EYS: variants seen among roughly 807,000 people sequenced by gnomAD.
EYS encodes protein eyes shut homolog.
A neutral mutation model predicts 282.1 loss-of-function variants in EYS; 250 were observed. That is an observed-to-expected ratio of 0.89 (90% CI 0.80 to 0.98). The LOEUF (loss-of-function observed/expected upper bound fraction) is 0.98, where lower values mean the gene tolerates loss of function less well. EYS is among the 50% of genes least tolerant of loss of function. EYS has a pLI of 0.00. For synonymous variants in EYS, 1,355 were observed against 1,282.9 expected (o/e 1.06, Z -1.20); for missense variants, 4,016 against 3,709.0 (o/e 1.08, Z -2.15).
chr6:64,391,501 C>T (rs897855967), intron 28 of EYS, among the ~76,000 whole-genome samples: 19 of 151,848 alleles, frequency 1.3e-4, no homozygotes, highest in African/African-American at 4.3e-4. Context: ...ATTTTCAACC[C>T]AGAATTTCAT....
At chr6:65,150,061 G>C (rs138897808) in intron 12 of EYS, among the ~76,000 whole-genome samples, 2 of 151,896 alleles carry the variant, frequency 1.3e-5, no homozygotes, top group Admixed American at 6.6e-5. Flanking sequence ...TGGGGGAACC[G>C]CCACCATGAT....
chr6:65,250,102 G>A (rs1195123615), intron 12 of EYS, among the ~76,000 whole-genome samples: 2 of 151,954 alleles, frequency 1.3e-5, no homozygotes, highest in African/African-American at 4.8e-5. Flanking sequence ...GGAATATGTG[G>A]AAAATATTGA....
At chr6:64,720,860 T>G (rs1451519633) in intron 22 of EYS, among the ~76,000 whole-genome samples, 1 of 152,244 alleles carries the variant, frequency 6.6e-6, no homozygotes, top group Non-Finnish European at 1.5e-5. Context: ...ATGGTGCCTC[T>G]TTTGGTGTTT....
chr6:64,012,111 A>T (rs1768667584), intron 33 of EYS, among the ~76,000 whole-genome samples: 1 of 151,542 alleles, frequency 6.6e-6, no homozygotes, highest in Non-Finnish European at 1.5e-5. Flanking sequence ...TGAATGCAAA[A>T]ATGTCTATCT....
chr6:65,654,929 T>G (rs1484509082), intron 1 of EYS, among the ~76,000 whole-genome samples: 1 of 147,138 alleles, frequency 6.8e-6, no homozygotes, highest in Non-Finnish European at 1.5e-5. Flanking sequence ...TATGGAAATA[T>G]GTCCAAATTA....
At chr6:65,668,919 A>C (rs1030593098) in intron 1 of EYS, among the ~76,000 whole-genome samples, 1 of 151,944 alleles carries the variant, frequency 6.6e-6, no homozygotes, top group Admixed American at 6.6e-5. Context: ...AATTACTGCC[A>C]CTGCTAACTA....
intron 12 of EYS, among the ~76,000 whole-genome samples, chr6:65,131,292 A>G (rs1775868398): frequency 1.3e-5 from 2 of 151,928 alleles, no homozygotes; most frequent in African/African-American, 4.8e-5. Context: ...TTATTGCCAC[A>G]TGGCACATAC....
chr6:65,505,558 C>CT (rs2127281414), intron 2 of EYS, among the ~76,000 whole-genome samples: 1 of 152,052 alleles, frequency 6.6e-6, no homozygotes, highest in East Asian at 1.9e-4. Flanking sequence ...CTGTGCACTG[C>CT]TTTTTCTGGA....
intron 35 of EYS, among the ~76,000 whole-genome samples, chr6:63,892,277 T>C (rs1469854993): frequency 6.6e-6 from 1 of 152,090 alleles, no homozygotes; most frequent in Non-Finnish European, 1.5e-5. Flanking sequence ...GACAAGACAA[T>C]CCTAAGCCAA....
chr6:65,175,750 A>G (rs1448689327), intron 12 of EYS, among the ~76,000 whole-genome samples: 2 of 151,488 alleles, frequency 1.3e-5, no homozygotes, highest in Non-Finnish European at 3.0e-5. Context: ...AATGACACTG[A>G]GTCAAAAGTT....
intron 35 of EYS, among the ~76,000 whole-genome samples, chr6:63,916,995 G>T (rs141077284): frequency 6.6e-6 from 1 of 152,336 alleles, no homozygotes; most frequent in African/African-American, 2.4e-5. Context: ...AAGCTGACAG[G>T]TCAGGAAGTG....
rs1012716078 is a variant in EYS at position 64,821,564 on chromosome 6, C to G, written c.3243+81G>C. On this transcript the variant is annotated intron_variant, in intron 21 of 42. Coordinates refer to ENST00000503581, the MANE Select transcript of EYS (RefSeq NM_001142800.2). The stretch of plus-strand genomic sequence containing the variant: ...ATCAACAACTGTGGAAGAAATGACT[C>G]TGAAACCTACAGCAAGCAATTTGAT... The G allele has an allele frequency of 8.4e-6, 6 of 710,908 alleles. No individual in the cohort carries two copies. In the Admixed American group the frequency reaches 1.1e-4, roughly 13 times the overall value. 44.0% of individuals were successfully genotyped at this position (710,908 alleles called of 1,614,324 possible).
At chr6:65,292,417 A>C (rs1768552553) in intron 12 of EYS, among the ~76,000 whole-genome samples, 1 of 151,730 alleles carries the variant, frequency 6.6e-6, no homozygotes, top group African/African-American at 2.4e-5. Flanking sequence ...GAAGCAATCA[A>C]GGGTAAAAAT....
chr6:65,306,100 ATATGTTG>A (rs1378010226), intron 11 of EYS, among the ~76,000 whole-genome samples: 19 of 152,120 alleles, frequency 1.2e-4, no homozygotes, highest in African/African-American at 2.2e-4. Context: ...TTGAAAGGAG[ATATGTTG>A]TATATAATCA....
chr6:63,852,180 A>C (rs987055101), intron 36 of EYS, among the ~76,000 whole-genome samples: 75 of 150,570 alleles, frequency 5.0e-4, no homozygotes, highest in African/African-American at 1.7e-3. Context: ...AAAAAAAAAA[A>C]AAATCAATGA....
chr6:64,186,307 C>A (rs974687978), intron 31 of EYS, among the ~76,000 whole-genome samples: 1 of 151,424 alleles, frequency 6.6e-6, no homozygotes, highest in Admixed American at 6.6e-5. Flanking sequence ...GGAAGGCAAT[C>A]AAAATCATGT....
rs1285360046 is a variant in EYS at position 64,756,150 on chromosome 6, C to T, written c.3443+57228G>A. ...CAAAATTCTTTAGGTATTCAACATTCCATATTTGTTATTTTATATGAAAAT... is the reference window on the plus strand; with the variant it reads ...CAAAATTCTTTAGGTATTCAACATTTCATATTTGTTATTTTATATGAAAAT... On this transcript the variant is annotated intron_variant, in intron 22 of 42. Coordinates refer to ENST00000503581, the MANE Select transcript of EYS (RefSeq NM_001142800.2). Among the ~76,000 whole-genome samples, 5 of 152,072 alleles carry T rather than the reference C, an allele frequency of 3.3e-5. No homozygotes were observed. In the South Asian group the frequency reaches 8.3e-4, roughly 25 times the overall value.
At chr6:65,421,697 C>G (rs1767464265) in intron 5 of EYS, among the ~76,000 whole-genome samples, 2 of 151,816 alleles carry the variant, frequency 1.3e-5, no homozygotes, top group Admixed American at 1.3e-4. Flanking sequence ...AGATGTGTGA[C>G]TTTTCCTTTC....
chr6:64,156,947 G>T (rs986708143), intron 31 of EYS, among the ~76,000 whole-genome samples: 2 of 151,506 alleles, frequency 1.3e-5, no homozygotes, highest in Non-Finnish European at 2.9e-5. Flanking sequence ...ACAATGTGCA[G>T]GTTAGTTACA....
Sources: allele counts gnomAD v4.1 joint callset (sites outside exome capture counted in the v4.1 genomes callset), GRCh38; gene constraint gnomAD v4.1.1; transcripts MANE v1.5; gene names NCBI Gene and HGNC (gene_info 2026-07-23, HGNC 2026-07-21).